Variants in GPAT3 observed in about 807,000 individuals in gnomAD.
The protein encoded by GPAT3 is glycerol-3-phosphate acyltransferase 3, also known as 1-AGP acyltransferase 9.
In GPAT3, 53 loss-of-function variants were observed where a neutral mutation model predicts 58.8. The observed-to-expected ratio is 0.90, with a 90% CI of 0.72 to 1.13. The LOEUF (loss-of-function observed/expected upper bound fraction) is 1.13. Among genes scored for constraint, GPAT3 ranks in the 50% most tolerant of loss-of-function variants. GPAT3 has a pLI of 0.00. For missense variants in GPAT3, 511 were observed against 527.6 expected (o/e 0.97, Z 0.31); for synonymous variants, 197 against 187.4 (o/e 1.05, Z -0.42).
intron 11 of GPAT3, among the ~76,000 whole-genome samples, chr4:83,601,217 G>GA (rs1372722776): frequency 2.6e-5 from 4 of 152,128 alleles, no homozygotes; most frequent in Non-Finnish European, 4.4e-5. Context: ...ATGTTGATGA[G>GA]AAAAAATATT....
At chr4:83,556,355 G>A (rs938252997) in intron 2 of GPAT3, among the ~76,000 whole-genome samples, 1 of 151,982 alleles carries the variant, frequency 6.6e-6, no homozygotes, top group Non-Finnish European at 1.5e-5. Context: ...AAAAATAGCC[G>A]GATATGGTGG....
chr4:83,588,135 C>T, intron 4 of GPAT3, 75 bp from the exon 5 acceptor site: 3 of 1,292,030 alleles, frequency 2.3e-6, no homozygotes, highest in East Asian at 2.3e-5. Context: ...TGTGAAAAAG[C>T]ACATTAAAAC....
At chr4:83,554,984 A>G (rs570885543) in intron 2 of GPAT3, among the ~76,000 whole-genome samples, 1 of 151,906 alleles carries the variant, frequency 6.6e-6, no homozygotes, top group South Asian at 2.1e-4. Context: ...TTATATTTTT[A>G]GTAGAGACTG....
chr4:83,596,855 T>C lies in GPAT3; in HGVS notation c.855-3T>C, dbSNP rs1398669597. 6.2e-7 allele frequency: 1 copy of C among 1,605,436 alleles called. No individual in the cohort carries two copies. The highest frequency in any genetic ancestry group is 1.7e-5 in the Admixed American group (1 of 58,224). On this transcript the variant is annotated splice_polypyrimidine_tract_variant and splice_region_variant and intron_variant, in intron 7 of 11. Transcript: ENST00000264409. ...AGAATTTTGATCCTTTTTTTTTCCA[T>C]AGACTAAAAGAACATATTGCTGATA...
intron 1 of GPAT3, among the ~76,000 whole-genome samples, chr4:83,541,682 G>A (rs776572135): frequency 2.6e-5 from 4 of 152,194 alleles, no homozygotes; most frequent in Admixed American, 6.5e-5. Flanking sequence ...GAATATCACT[G>A]TATTAGTTTG....
At chr4:83,596,937 G>A (rs376619628) in intron 8 of GPAT3, 24 bp downstream of exon 8, 1 of 1,592,042 alleles carries the variant, frequency 6.3e-7, no homozygotes. Flanking sequence ...TGCCTCCCGA[G>A]CTATAGTTGA....
chr4:83,544,896 A>G (rs1242347266), intron 2 of GPAT3, among the ~76,000 whole-genome samples: 2 of 149,078 alleles, frequency 1.3e-5, no homozygotes, highest in Non-Finnish European at 3.0e-5. Context: ...GGCCAAAAGA[A>G]AAAAAAAAAG....
chr4:83,559,136 G>A (rs1725040471), intron 2 of GPAT3, among the ~76,000 whole-genome samples: 1 of 152,198 alleles, frequency 6.6e-6, no homozygotes, highest in Non-Finnish European at 1.5e-5. Context: ...AATTTTGGGA[G>A]AGGTATAAGT....
chr4:83,537,523 G>A (rs1724144501), intron 1 of GPAT3, among the ~76,000 whole-genome samples: 1 of 151,684 alleles, frequency 6.6e-6, no homozygotes, highest in South Asian at 2.1e-4. Flanking sequence ...AGAGATCAGT[G>A]GTTTCTTTGA....
chr4:83,590,059 C>T, intron 5 of GPAT3, 140 bp from the exon 6 acceptor site: 1 of 655,556 alleles, frequency 1.5e-6, no homozygotes, highest in Non-Finnish European at 2.5e-6. Flanking sequence ...CACCAATGCA[C>T]TCCAGCCTGG....
intron 3 of GPAT3, 75 bp downstream of exon 3, chr4:83,581,907 G>T (rs1489616680): frequency 6.5e-7 from 1 of 1,530,880 alleles, no homozygotes; most frequent in Non-Finnish European, 8.8e-7. Context: ...TAATGGCCAC[G>T]TAAGTGTTCT....
At chr4:83,580,967 G>T (rs963196976) in intron 2 of GPAT3, among the ~76,000 whole-genome samples, 2 of 151,718 alleles carry the variant, frequency 1.3e-5, no homozygotes, top group African/African-American at 4.8e-5. Context: ...GTGGTGGCGG[G>T]TGCCTGTAGT....
At chr4:83,586,359 TCCTTCTGATACTGCAGGGGTGGTCC>T (rs1249096659) in intron 3 of GPAT3, among the ~76,000 whole-genome samples, 2 of 152,112 alleles carry the variant, frequency 1.3e-5, no homozygotes, top group Non-Finnish European at 2.9e-5. Flanking sequence ...ACACACAGGG[TCCTTCTGATACTGCAGGGGTGGTCC>T]CCTTCAGTCT....
At chr4:83,599,693 A>G (rs1234495064) in intron 11 of GPAT3, among the ~76,000 whole-genome samples, 1 of 152,188 alleles carries the variant, frequency 6.6e-6, no homozygotes, top group Non-Finnish European at 1.5e-5. Context: ...GTTATGGATC[A>G]CTATGGCTTT....
In GPAT3 at chr4:83,598,152, G is replaced by T; in HGVS notation, c.1098G>T (p.Val366=). The part of the protein sequence containing the change: ...MMTSWAIVCD[V]WYMPPMTREE... ...CCAGCTGGGCCATCGTCTGTGACGT[G>T]TGGTACATGCCCCCCATGACCAGAG... Residue 366 remains valine, a synonymous_variant, in exon 10 of 12, where the codon GTG becomes GTT. Coordinates refer to ENST00000264409, the MANE Select transcript of GPAT3 (RefSeq NM_032717.5). 1.2e-6 allele frequency: 2 copies of T among 1,613,552 alleles called. No individual in the cohort carries two copies. The highest frequency in any genetic ancestry group is 1.7e-6 in the Non-Finnish European group (2 of 1,179,806).
At chr4:83,558,537 A>G (rs1268625723) in intron 2 of GPAT3, among the ~76,000 whole-genome samples, 1 of 152,180 alleles carries the variant, frequency 6.6e-6, no homozygotes, top group African/African-American at 2.4e-5. Context: ...GACATTGGCA[A>G]ATGTTTTTTG....
intron 2 of GPAT3, among the ~76,000 whole-genome samples, chr4:83,574,991 C>T (rs1725748988): frequency 6.6e-6 from 1 of 151,220 alleles, no homozygotes. Flanking sequence ...ATTCTCCTGC[C>T]TCAGCCTCCC....
chr4:83,546,343 A>T lies in GPAT3; in HGVS notation c.208+1741A>T, dbSNP rs753535252. On this transcript the variant is annotated intron_variant, in intron 2 of 11. Coordinates refer to ENST00000264409, the MANE Select transcript of GPAT3 (RefSeq NM_032717.5). ...AATTTGGCAGGTGATGGGATTAAAA[A>T]ATCAGTAGATGAGAGGGTCTAGTAG... Among the ~76,000 whole-genome samples the T allele has an allele frequency of 2.0e-5, 3 of 151,960 alleles. No homozygotes were observed. The East Asian group carries it at 5.8e-4, about 29-fold the overall frequency.
chr4:83,563,625 G>T (rs1337238646), intron 2 of GPAT3, among the ~76,000 whole-genome samples: 1 of 151,744 alleles, frequency 6.6e-6, no homozygotes, highest in Non-Finnish European at 1.5e-5. Context: ...GGGATTGCAG[G>T]CATGCACCAC....
Sources: gnomAD v4.1 joint callset for allele counts (sites outside exome capture counted in the v4.1 genomes callset) on GRCh38, gnomAD v4.1.1 for gene constraint, MANE v1.5 for transcripts, NCBI Gene and HGNC (gene_info 2026-07-23, HGNC 2026-07-21) for gene names.